Variants in TLN2 observed in about 807,000 individuals in gnomAD.
The protein encoded by TLN2 is talin-2.
A neutral mutation model predicts 294.7 loss-of-function variants in TLN2; 118 were observed. The ratio of observed to expected loss-of-function variants is 0.40; its 90% CI spans 0.34 to 0.47. The LOEUF is 0.47. TLN2 is among the 20% of genes least tolerant of loss of function. The probability of loss-of-function intolerance (pLI) is 0.84; values close to 1 mark genes in which losing one functional copy is unlikely to be tolerated. For synonymous variants in TLN2, 1,431 were observed against 1,304.5 expected (o/e 1.10, Z -2.09); for missense variants, 3,083 against 3,282.2 (o/e 0.94, Z 1.48).
chr15:62,640,435 T>C (rs1365631771), intron 3 of TLN2: 1 of 443,758 alleles, frequency 2.3e-6, no homozygotes, highest in African/African-American at 2.0e-5. Context: ...CATTGAGGTA[T>C]GGTAGCCTGG....
chr15:62,810,001 G>A lies in TLN2; in HGVS notation c.6740G>A (p.Gly2247Asp), dbSNP rs1395546217. The A allele has an allele frequency of 5.6e-6, 9 of 1,613,920 alleles. No individual in the cohort carries two copies. Among genetic ancestry groups the A allele is most frequent in the Non-Finnish European group, 7.6e-6 (9 of 1,180,040 alleles). Reference protein sequence around the residue: ...ALRFGTECTLGYLDLLEHVLV... With the variant: ...ALRFGTECTLDYLDLLEHVLV... ...CGTTTCGGGACGGAGTGCACCCTTG[G>A]CTACTTGGACCTCCTGGAGCACGTC... Residue 2247 changes from glycine (G) to aspartate (D), a missense_variant, in exon 52 of 59, where the codon GGC (glycine) becomes GAC (aspartate). By Grantham distance (94) the Gly-to-Asp change is moderately conservative. Transcript: ENST00000636159.
At chr15:62,722,267 T>C in intron 25 of TLN2, 86 bp from the exon 26 acceptor site, 2 of 1,425,900 alleles carry the variant, frequency 1.4e-6, no homozygotes, top group African/African-American at 1.4e-5. Flanking sequence ...CAGTTCTTAC[T>C]GCTGTGGAGA....
At position 62,445,778 on chromosome 15, in the gene TLN2, C is replaced by T. The variant is rs116830735; in HGVS notation, c.-238+55093C>T. On this transcript the variant is annotated intron_variant, in intron 1 of 58. Transcript: ENST00000636159. ...TCCTGGGCTCAAAGAATCCTTTCACCTCAGCCTCCCAAGTATCTGGAACTA... is the reference window on the plus strand; with the variant it reads ...TCCTGGGCTCAAAGAATCCTTTCACTTCAGCCTCCCAAGTATCTGGAACTA... Among the ~76,000 whole-genome samples, 1,148 of 152,094 alleles carry T rather than the reference C, an allele frequency of 7.5e-3. 12 individuals are homozygous for T. Among genetic ancestry groups the T allele is most frequent in the African/African-American group, 0.026 (1,086 of 41,474 alleles).
intron 1 of TLN2, among the ~76,000 whole-genome samples, chr15:62,439,487 ATTT>A (rs968348083): frequency 3.3e-5 from 5 of 152,118 alleles, no homozygotes; most frequent in Middle Eastern, 3.4e-3. Context: ...TAATTTTTGT[ATTT>A]TTAGTAGAGA....
rs1595959726 is a variant in TLN2, at chr15:62,777,951, C to T, written c.5514+1041C>T. ...TGCTTGTTCATCAGCATCTAATTGC[C>T]ATCCTGTGATAGCATGCCAAGAATT... On this transcript the variant is annotated intron_variant, in intron 43 of 58. Transcript: ENST00000636159. 2.0e-5 allele frequency among the ~76,000 whole-genome samples: 3 copies of T among 152,312 alleles called. No individual in the cohort carries two copies. The East Asian group carries it at 5.8e-4, about 29-fold the overall frequency.
At chr15:62,495,585 T>C (rs985454405) in intron 1 of TLN2, among the ~76,000 whole-genome samples, 1 of 152,360 alleles carries the variant, frequency 6.6e-6, no homozygotes, top group Admixed American at 6.5e-5. Context: ...AGCAAGAGGC[T>C]GAACACATGG....
chr15:62,497,480 C>T (rs1346507528), intron 1 of TLN2, among the ~76,000 whole-genome samples: 1 of 152,222 alleles, frequency 6.6e-6, no homozygotes, highest in Non-Finnish European at 1.5e-5. Context: ...AGCAGTTGCT[C>T]CTTGCCCTCC....
Position 62,750,481 on chromosome 15 carries a change from A to G in TLN2, c.4199A>G (p.Glu1400Gly), listed in dbSNP as rs1423975808. Reference protein sequence around the residue: ...SYFDCIESVMENSKVLGESMA... With the variant: ...SYFDCIESVMGNSKVLGESMA... The stretch of plus-strand genomic sequence containing the variant: ...TTTGACTGCATTGAGAGTGTGATGG[A>G]AAACTCCAAGGTAAGACTGCCTATG... The change falls in exon 34 of 59, where the codon GAA becomes GGA. Residue 1400 changes from glutamate (E) to glycine (G), a missense_variant. By Grantham distance (98) the Glu-to-Gly change is moderately conservative. Coordinates refer to ENST00000636159, the MANE Select transcript of TLN2 (RefSeq NM_015059.3). The G allele has an allele frequency of 6.2e-7, 1 of 1,614,132 alleles. No individual in the cohort carries two copies. Among genetic ancestry groups the G allele is most frequent in the East Asian group, 2.2e-5 (1 of 44,890 alleles).
chr15:62,635,356 T>C (rs899368219), intron 3 of TLN2, among the ~76,000 whole-genome samples: 1 of 152,154 alleles, frequency 6.6e-6, no homozygotes, highest in African/African-American at 2.4e-5. Flanking sequence ...ATAGCTGATA[T>C]ACCCAAAAAG....
chr15:62,825,064 G>A (rs934216557), intron 54 of TLN2, among the ~76,000 whole-genome samples: 1 of 152,138 alleles, frequency 6.6e-6, no homozygotes, highest in African/African-American at 2.4e-5. Flanking sequence ...ACAGGAGAGG[G>A]TCCTGTAATG....
intron 1 of TLN2, among the ~76,000 whole-genome samples, chr15:62,545,936 G>A (rs1196672778): frequency 6.6e-6 from 1 of 152,192 alleles, no homozygotes; most frequent in African/African-American, 2.4e-5. Context: ...CAATGTCTCA[G>A]CATTCCAGGT....
At chr15:62,720,414 A>G (rs1466932622) in intron 25 of TLN2, among the ~76,000 whole-genome samples, 1 of 152,182 alleles carries the variant, frequency 6.6e-6, no homozygotes, top group East Asian at 1.9e-4. Flanking sequence ...CGTGCTTCTT[A>G]TATTCAAATC....
intron 43 of TLN2, 102 bp from the exon 44 acceptor site, chr15:62,781,038 C>T: frequency 1.2e-6 from 1 of 829,882 alleles, no homozygotes; most frequent in Non-Finnish European, 1.9e-6. Context: ...GAAAGAATCT[C>T]TGAGGCCCTC....
At chr15:62,768,751 G>GA (rs2063173016) in intron 41 of TLN2, among the ~76,000 whole-genome samples, 1 of 152,200 alleles carries the variant, frequency 6.6e-6, no homozygotes, top group African/African-American at 2.4e-5. Flanking sequence ...TAAATACAGA[G>GA]AAAAGCACAT....
chr15:62,752,266 A>G (rs777767287), intron 34 of TLN2, 39 bp from the exon 35 acceptor site: 45 of 1,611,458 alleles, frequency 2.8e-5, no homozygotes, highest in Non-Finnish European at 3.6e-5. Flanking sequence ...GTTTGAGGCA[A>G]TGCTGGATAG....
At position 62,702,814 on chromosome 15, in the gene TLN2, G is replaced by T; in HGVS notation, c.1954G>T (p.Gly652Trp). The T allele has an allele frequency of 1.9e-6, 3 of 1,614,196 alleles. No homozygotes were observed. The highest frequency in any genetic ancestry group is 2.5e-6 in the Non-Finnish European group (3 of 1,180,044). The stretch of plus-strand genomic sequence containing the variant: ...TGCTGGCAGCATCGGACAAGCCAGT[G>T]GGGATCTTCTGAGACAGATTGGAGA... ...TAAGSIGQASGDLLRQIGENE... is the reference protein window; with the variant it reads ...TAAGSIGQASWDLLRQIGENE... Residue 652 changes from glycine (G) to tryptophan (W), a missense_variant, in exon 19 of 59, where the codon GGG (glycine) becomes TGG (tryptophan). Transcript: ENST00000636159.
chr15:62,474,291 A>G (rs114756351), intron 1 of TLN2, among the ~76,000 whole-genome samples: 30 of 152,120 alleles, frequency 2.0e-4, no homozygotes, highest in African/African-American at 5.8e-4. Flanking sequence ...GAAAGCATCT[A>G]TCATTCTCAG....
chr15:62,547,191 T>A (rs562867266), intron 1 of TLN2, among the ~76,000 whole-genome samples: 1 of 152,342 alleles, frequency 6.6e-6, no homozygotes, highest in South Asian at 2.1e-4. Context: ...TTAAAATTTT[T>A]CAGCCCTTTC....
At chr15:62,677,976 A>G (rs2414779) in intron 11 of TLN2, among the ~76,000 whole-genome samples, 5,088 of 151,324 alleles carry the variant, frequency 0.034, 279 homozygotes, top group African/African-American at 0.11. Context: ...TGTATTTTTG[A>G]TAAAGATGGG....
Sources: allele counts gnomAD v4.1 joint callset (sites outside exome capture counted in the v4.1 genomes callset), GRCh38; gene constraint gnomAD v4.1.1; transcripts MANE v1.5; gene names NCBI Gene and HGNC (gene_info 2026-07-23, HGNC 2026-07-21).